The following ZYG11A variants were observed in gnomAD, a reference collection of about 807,000 sequenced individuals.
ZYG11A encodes zyg-11 family member A, cell cycle regulator.
Under a neutral mutation model 77.2 loss-of-function variants are expected in ZYG11A, and 62 were observed. The observed-to-expected ratio is 0.80, with a 90% CI of 0.65 to 0.99. The LOEUF is 0.99. Among genes scored for constraint, ZYG11A ranks in the 50% least tolerant of loss-of-function variants. ZYG11A has a pLI of 0.00. For missense variants in ZYG11A, 828 were observed against 896.8 expected (o/e 0.92, Z 0.98); for synonymous variants, 315 against 324.6 (o/e 0.97, Z 0.32).
rs373928156 is a variant in ZYG11A, at chr1:52,847,884, T to A, written c.90+4911T>A. ...TATTTATTTATTTATTTATTTATTT[T>A]TTTGAGATGGAGTCTCGCTCTGTCG... On this transcript the variant is annotated intron_variant, in intron 1 of 13. Coordinates refer to ENST00000371528, the MANE Select transcript of ZYG11A (RefSeq NM_001004339.3). Among the ~76,000 whole-genome samples the A allele has an allele frequency of 5.2e-3, 169 of 32,562 alleles. 2 individuals are homozygous for A. Among genetic ancestry groups the A allele is most frequent in the East Asian group, 0.034 (112 of 3,256 alleles). 21.4% of individuals were successfully genotyped at this position (32,562 alleles called of 152,430 possible). A position where few individuals can be genotyped will look rare whatever the true frequency, so the allele number is the denominator to read the frequency against.
In ZYG11A at chr1:52,864,085, G is replaced by A. The variant is rs1490135151; in HGVS notation, c.1254G>A (p.Met418Ile). ...CACGCCAGGGCCTGGCCAAGGGGATGCCTGTTCGCCTGTTGTCAGAGGTCA... is the reference window on the plus strand; with the variant it reads ...CACGCCAGGGCCTGGCCAAGGGGATACCTGTTCGCCTGTTGTCAGAGGTCA... The part of the protein sequence containing the change: ...NLTRQGLAKG[M>I]PVRLLSEVTC... Residue 418 changes from methionine to isoleucine, a missense_variant, in exon 5 of 14, where the codon ATG (methionine) becomes ATA (isoleucine). Coordinates refer to ENST00000371528, the MANE Select transcript of ZYG11A (RefSeq NM_001004339.3). The A allele has an allele frequency of 2.6e-6, 4 of 1,551,936 alleles. No homozygotes were observed. The highest frequency in any genetic ancestry group is 2.0e-5 in the Admixed American group (1 of 51,004).
chr1:52,844,096 C>G (rs1330325890), intron 1 of ZYG11A, among the ~76,000 whole-genome samples: 1 of 152,174 alleles, frequency 6.6e-6, no homozygotes, highest in African/African-American at 2.4e-5. Flanking sequence ...AGTTGACTTG[C>G]TCGTGAACTT....
chr1:52,878,262 TG>T (rs1646297815), intron 10 of ZYG11A, among the ~76,000 whole-genome samples: 1 of 152,194 alleles, frequency 6.6e-6, no homozygotes, highest in African/African-American at 2.4e-5. Flanking sequence ...TGGTCTCATG[TG>T]GGGTCACTTA....
chr1:52,864,092 C>A lies in ZYG11A; in HGVS notation c.1261C>A (p.Arg421Ser). 6.4e-7 allele frequency: 1 copy of A among 1,551,936 alleles called. No individual in the cohort carries two copies. Among genetic ancestry groups the A allele is most frequent in the Non-Finnish European group, 8.7e-7 (1 of 1,147,046 alleles). Reference sequence around the variant, plus strand: ...GGGCCTGGCCAAGGGGATGCCTGTTCGCCTGTTGTCAGAGGTCACCTGTCT... The same window carrying A: ...GGGCCTGGCCAAGGGGATGCCTGTTAGCCTGTTGTCAGAGGTCACCTGTCT... ...RQGLAKGMPV[R>S]LLSEVTCLLF... The change falls in exon 5 of 14, where the codon CGC becomes AGC. Residue 421 changes from arginine to serine, a missense_variant. By Grantham distance (110) the Arg-to-Ser change is moderately radical. Coordinates refer to ENST00000371528, the MANE Select transcript of ZYG11A (RefSeq NM_001004339.3).
intron 12 of ZYG11A, 81 bp downstream of exon 12, chr1:52,885,975 C>T: frequency 1.8e-6 from 2 of 1,120,686 alleles, no homozygotes; most frequent in Non-Finnish European, 2.5e-6. Flanking sequence ...CTCAGTCGCC[C>T]AGGCTGGAGT....
intron 13 of ZYG11A, among the ~76,000 whole-genome samples, chr1:52,892,168 G>A (rs1316626131): frequency 7.0e-6 from 1 of 142,472 alleles, no homozygotes; most frequent in East Asian, 2.1e-4. Flanking sequence ...CAAAGTGCTG[G>A]GATTACAGGC....
intron 8 of ZYG11A, among the ~76,000 whole-genome samples, chr1:52,868,777 T>C (rs1395646944): frequency 2.0e-5 from 3 of 152,104 alleles, no homozygotes; most frequent in African/African-American, 7.2e-5. Flanking sequence ...CAGAGTAAAA[T>C]TGTGTCTCAA....
At chr1:52,870,958 C>T (rs899881322) in intron 8 of ZYG11A, among the ~76,000 whole-genome samples, 1 of 152,076 alleles carries the variant, frequency 6.6e-6, no homozygotes, top group Non-Finnish European at 1.5e-5. Context: ...ATATTGGGTG[C>T]ATGTATTTTC....
intron 11 of ZYG11A, among the ~76,000 whole-genome samples, chr1:52,882,191 C>T (rs1646375827): frequency 6.6e-6 from 1 of 152,190 alleles, no homozygotes; most frequent in Non-Finnish European, 1.5e-5. Flanking sequence ...TCGCGCCTAG[C>T]CAACTTCCTT....
At chr1:52,855,960 A>G (rs953756306) in intron 2 of ZYG11A, among the ~76,000 whole-genome samples, 2 of 152,198 alleles carry the variant, frequency 1.3e-5, no homozygotes, top group Non-Finnish European at 2.9e-5. Context: ...AAGAGTTTCT[A>G]TGTGGACATA....
intron 8 of ZYG11A, among the ~76,000 whole-genome samples, chr1:52,869,526 A>G (rs1469892582): frequency 6.6e-6 from 1 of 151,754 alleles, no homozygotes; most frequent in Non-Finnish European, 1.5e-5. Context: ...CCCTGAGTGG[A>G]CACAGCACAT....
intron 1 of ZYG11A, among the ~76,000 whole-genome samples, chr1:52,846,909 G>T (rs899072143): frequency 6.7e-6 from 1 of 149,540 alleles, no homozygotes; most frequent in Non-Finnish European, 1.5e-5. Flanking sequence ...GTGCAGTGGC[G>T]CAATGTCAGC....
intron 13 of ZYG11A, among the ~76,000 whole-genome samples, chr1:52,891,345 A>C (rs1258507648): frequency 6.6e-6 from 1 of 150,624 alleles, no homozygotes; most frequent in East Asian, 1.9e-4. Context: ...ATCTGATCTT[A>C]TTATGTGTGT....
At chr1:52,854,714 T>A in intron 2 of ZYG11A, 84 bp downstream of exon 2, 3 of 1,266,426 alleles carry the variant, frequency 2.4e-6, no homozygotes, top group Non-Finnish European at 2.1e-6. Flanking sequence ...CTATTGTGAT[T>A]CTCACAAAGT....
In ZYG11A at chr1:52,848,792, G is replaced by A. The variant is rs552043636; in HGVS notation, c.91-5673G>A. On this transcript the variant is annotated intron_variant, in intron 1 of 13. Transcript: ENST00000371528. ...TGAGGCACGAGAATGGCTTGAACCT[G>A]GGAAGTGGAGGTTGCAGTGAGCCGA... 3.3e-5 allele frequency among the ~76,000 whole-genome samples: 5 copies of A among 152,230 alleles called. No individual in the cohort carries two copies. The South Asian group carries it at 1.0e-3, about 32-fold the overall frequency.
chr1:52,878,418 C>G (rs1354941724), intron 10 of ZYG11A, among the ~76,000 whole-genome samples: 1 of 152,108 alleles, frequency 6.6e-6, no homozygotes, highest in African/African-American at 2.4e-5. Flanking sequence ...GAGGGCAGGC[C>G]CCACTGTCCA....
chr1:52,854,476 T>TCAG lies in ZYG11A; in HGVS notation c.103_104insAGC (p.Ser34_Pro35insGln). On this transcript the variant is annotated inframe_insertion, in exon 2 of 14. Transcript: ENST00000371528. ...GTTTTGTTTGCTAGGAAGAGGCATC[T>TCAG]CCCTACACTTTGGTCAACATCTGCC... 6.5e-7 allele frequency: 1 copy of TCAG among 1,540,592 alleles called. No homozygotes were observed. The highest frequency in any genetic ancestry group is 1.2e-5 in the South Asian group (1 of 81,668).
intron 3 of ZYG11A, among the ~76,000 whole-genome samples, chr1:52,860,408 T>C (rs997321604): frequency 6.6e-6 from 1 of 151,930 alleles, no homozygotes; most frequent in African/African-American, 2.4e-5. Flanking sequence ...TTACTTTCTC[T>C]CAGCATATTT....
In ZYG11A at chr1:52,877,950, G is replaced by A. The variant is rs181546661; in HGVS notation, c.1730G>A (p.Ser577Asn). The A allele has an allele frequency of 3.0e-5, 47 of 1,551,572 alleles. No individual in the cohort carries two copies. In the East Asian group the frequency reaches 8.8e-4, roughly 29 times the overall value. ...LETFSESAIQSKVLGLLNNIA... is the reference protein window; with the variant it reads ...LETFSESAIQNKVLGLLNNIA... ...ACCTTTTCAGAGTCAGCAATACAAA[G>A]CAAAGTACTTGGTCTTTTGGTAAGG... The change falls in exon 10 of 14, where the codon AGC becomes AAC. Residue 577 changes from serine to asparagine, a missense_variant. By Grantham distance (46) the Ser-to-Asn change is conservative. Transcript: ENST00000371528.
Sources: allele counts gnomAD v4.1 joint callset (sites outside exome capture counted in the v4.1 genomes callset), GRCh38; gene constraint gnomAD v4.1.1; transcripts MANE v1.5; gene names NCBI Gene and HGNC (gene_info 2026-07-23, HGNC 2026-07-21).